The following PCBP3 variants were observed in gnomAD, a reference collection of about 807,000 sequenced individuals.
PCBP3 encodes poly(rC) binding protein 3, also known as poly(rC)-binding protein 3.
A neutral mutation model predicts 52.7 loss-of-function variants in PCBP3; 25 were observed. The ratio of observed to expected loss-of-function variants is 0.47; its 90% confidence interval spans 0.35 to 0.66. The LOEUF is 0.66. Ranked by LOEUF, PCBP3 falls within the 30% of genes least tolerant of loss-of-function variation. PCBP3 has a pLI of 0.01. For missense variants in PCBP3, 391 were observed against 490.3 expected, an observed-to-expected ratio of 0.80 and a Z score of 1.91; for synonymous variants, 162 against 183.0, an observed-to-expected ratio of 0.89 and a Z score of 0.93.
At chr21:45,855,811 G>A (rs1424343273) in intron 5 of PCBP3, among the ~76,000 whole-genome samples, 6 of 152,250 alleles carry the variant, frequency 3.9e-5, no homozygotes, top group Non-Finnish European at 7.3e-5. Flanking sequence ...CAGGGAGACA[G>A]AAAACCTCCT....
At chr21:45,898,233 C>A (rs1287623481) in intron 6 of PCBP3, among the ~76,000 whole-genome samples, 1 of 152,192 alleles carries the variant, frequency 6.6e-6, no homozygotes, top group East Asian at 1.9e-4. Flanking sequence ...GGGGGAGGTG[C>A]CATGATTGAC....
Position 45,745,362 on chromosome 21 carries a change from T to C in PCBP3, c.-162+9933T>C, listed in dbSNP as rs749695976. ...GACCCACCAGCTTTATTTAATAAGG[T>C]CAGATGCTCTCGTTGACATCAGCGT... On this transcript the variant is annotated intron_variant, in intron 3 of 17. Transcript: ENST00000681687. 4.6e-5 allele frequency among the ~76,000 whole-genome samples: 7 copies of C among 152,068 alleles called. No homozygotes were observed. The South Asian group carries it at 8.3e-4, about 18-fold the overall frequency.
At chr21:45,727,342 G>A (rs943592945) in intron 2 of PCBP3, among the ~76,000 whole-genome samples, 1 of 152,162 alleles carries the variant, frequency 6.6e-6, no homozygotes, top group Non-Finnish European at 1.5e-5. Flanking sequence ...TTGTTCATAT[G>A]TGTGTGTTTT....
At chr21:45,752,473 G>T (rs892538359) in intron 3 of PCBP3, among the ~76,000 whole-genome samples, 7 of 151,992 alleles carry the variant, frequency 4.6e-5, no homozygotes, top group African/African-American at 1.7e-4. Flanking sequence ...TTGTTGCAGT[G>T]CATAGATTTA....
intron 2 of PCBP3, among the ~76,000 whole-genome samples, chr21:45,695,371 G>T (rs542058070): frequency 3.1e-4 from 47 of 152,216 alleles, no homozygotes; most frequent in African/African-American, 1.1e-3. Flanking sequence ...GCAGCCAGTG[G>T]GCAGTTTCTT....
intron 4 of PCBP3, among the ~76,000 whole-genome samples, chr21:45,768,034 A>G (rs2089516347): frequency 6.6e-6 from 1 of 152,282 alleles, no homozygotes. Context: ...GCCACAGGCC[A>G]TGGTGCCAGT....
chr21:45,932,535 G>T (rs565974555), intron 15 of PCBP3, among the ~76,000 whole-genome samples: 2 of 151,220 alleles, frequency 1.3e-5, no homozygotes, highest in Non-Finnish European at 2.9e-5. Flanking sequence ...CGGCCATGCC[G>T]TCCTGAGATG....
chr21:45,863,239 A>G (rs1258044866), intron 5 of PCBP3, among the ~76,000 whole-genome samples: 2 of 152,246 alleles, frequency 1.3e-5, no homozygotes, highest in African/African-American at 4.8e-5. Flanking sequence ...AGGACCTGCA[A>G]GAGCGTCACC....
At chr21:45,669,620 T>G (rs564125215) in intron 2 of PCBP3, among the ~76,000 whole-genome samples, 1 of 151,878 alleles carries the variant, frequency 6.6e-6, no homozygotes, top group South Asian at 2.1e-4. Flanking sequence ...CCATTCTACT[T>G]TCTGTTTCTA....
chr21:45,833,190 C>T (rs1266550742), intron 4 of PCBP3, among the ~76,000 whole-genome samples: 1 of 152,186 alleles, frequency 6.6e-6, no homozygotes, highest in Non-Finnish European at 1.5e-5. Flanking sequence ...CAGGAGATAC[C>T]CCCACCTCGC....
At chr21:45,760,407 C>T (rs1157138396) in intron 4 of PCBP3, 4 of 152,168 alleles carry the variant, frequency 2.6e-5, no homozygotes, top group Non-Finnish European at 2.9e-5. Context: ...AAAGTCCGAG[C>T]TCTAAGAAGG....
chr21:45,857,641 T>C (rs149717840), intron 5 of PCBP3, among the ~76,000 whole-genome samples: 19 of 152,254 alleles, frequency 1.2e-4, no homozygotes, highest in African/African-American at 4.3e-4. Context: ...CCCTAAACCA[T>C]ATAAAACCAG....
intron 15 of PCBP3, among the ~76,000 whole-genome samples, chr21:45,934,724 G>A (rs190574578): frequency 2.0e-5 from 3 of 152,204 alleles, no homozygotes; most frequent in Non-Finnish European, 4.4e-5. Context: ...GCCATCTGCT[G>A]TCCCCTGCAG....
chr21:45,815,042 G>A (rs1175165487), intron 4 of PCBP3, among the ~76,000 whole-genome samples: 1 of 120,924 alleles, frequency 8.3e-6, no homozygotes, highest in Non-Finnish European at 1.7e-5. Context: ...AGTGATGAGT[G>A]GTGAGTGGTG....
chr21:45,725,931 C>T (rs1483027653), intron 2 of PCBP3, among the ~76,000 whole-genome samples: 1 of 152,052 alleles, frequency 6.6e-6, no homozygotes, highest in African/African-American at 2.4e-5. Context: ...AGAGCAGGCC[C>T]CCTCTAGGAG....
intron 4 of PCBP3, among the ~76,000 whole-genome samples, chr21:45,768,288 A>G (rs935007075): frequency 5.3e-5 from 8 of 152,234 alleles, no homozygotes; most frequent in African/African-American, 1.9e-4. Context: ...CAGCGAAAGC[A>G]CTTGGACAAG....
chr21:45,846,810 TC>T, intron 4 of PCBP3, among the ~76,000 whole-genome samples: 1 of 152,344 alleles, frequency 6.6e-6, no homozygotes, highest in Non-Finnish European at 1.5e-5. Context: ...GAGATTGCAA[TC>T]CCTGCTCTTC....
At position 45,850,003 on chromosome 21, in the gene PCBP3, C is replaced by A; in HGVS notation, c.-83C>A. ...CAAAAGTCAACCCTTCTGTAAATCA[C>A]CTGCTGTGGTTATGATGCTCTGAGT... On this transcript the variant is annotated 5_prime_UTR_variant, in exon 5 of 18. Coordinates refer to ENST00000681687, the MANE Select transcript of PCBP3 (RefSeq NM_001384156.1). 7.8e-7 allele frequency: 1 copy of A among 1,290,154 alleles called. No individual in the cohort carries two copies. The highest frequency in any genetic ancestry group is 1.1e-6 in the Non-Finnish European group (1 of 908,494). The allele number at this position is 1,290,154 out of a possible 1,614,324, so 79.9% of individuals were successfully genotyped here. A position where few individuals can be genotyped will look rare whatever the true frequency, so the allele number is the denominator to read the frequency against.
At chr21:45,820,712 GGGACCTGGGGGATGACCAT>G (rs1341809219) in intron 4 of PCBP3, among the ~76,000 whole-genome samples, 2 of 152,204 alleles carry the variant, frequency 1.3e-5, no homozygotes, top group Admixed American at 6.5e-5. Context: ...GGGAGTTCCT[GGGACCTGGGGGATGACCAT>G]GGACCTCTGC....
Sources: gnomAD v4.1 joint callset for allele counts (sites outside exome capture counted in the v4.1 genomes callset) on GRCh38, gnomAD v4.1.1 for gene constraint, MANE v1.5 for transcripts, NCBI Gene and HGNC (gene_info 2026-07-23, HGNC 2026-07-21) for gene names.